The following DIXDC1 variants were observed in gnomAD, a reference collection of about 807,000 sequenced individuals.
The protein encoded by DIXDC1 is dixin.
DIXDC1 carries 64 observed loss-of-function variants against 103.1 expected under a neutral mutation model. The observed-to-expected ratio is 0.62, with a 90% CI of 0.51 to 0.76. DIXDC1 has a LOEUF of 0.76. DIXDC1 is among the 30% of genes least tolerant of loss of function. The probability of loss-of-function intolerance (pLI) is 0.00; values close to 1 mark genes in which losing one functional copy is unlikely to be tolerated. For synonymous variants in DIXDC1, 266 were observed against 298.5 expected, an observed-to-expected ratio of 0.89 and a Z score of 1.12; for missense variants, 759 against 834.2, an observed-to-expected ratio of 0.91 and a Z score of 1.11.
intron 1 of DIXDC1, among the ~76,000 whole-genome samples, chr11:111,947,119 A>T (rs1411241331): frequency 6.6e-6 from 1 of 151,888 alleles, no homozygotes; most frequent in African/African-American, 2.4e-5. Flanking sequence ...ATTACTTTAG[A>T]TGGCTGGAGA....
chr11:111,948,665 G>C (rs1234379876), intron 1 of DIXDC1, among the ~76,000 whole-genome samples: 4 of 150,038 alleles, frequency 2.7e-5, no homozygotes, highest in Non-Finnish European at 5.9e-5. Context: ...CTTCTCACAG[G>C]GTCTGCCGCA....
chr11:111,945,265 T>C lies in DIXDC1; in HGVS notation c.60+7706T>C, dbSNP rs1966554306. Among the ~76,000 whole-genome samples the C allele has an allele frequency of 2.6e-5, 4 of 152,228 alleles. No individual in the cohort carries two copies. In the South Asian group the frequency reaches 8.3e-4, roughly 32 times the overall value. ...GCATGGCCTATGGCAACGTCTAAGT[T>C]TTATATCTTACAACTTTGAGAGAGA... On this transcript the variant is annotated intron_variant, in intron 1 of 19. Transcript: ENST00000440460.
Position 112,006,211 on chromosome 11 carries a change from G to A in DIXDC1, c.1756+10065G>A, listed in dbSNP as rs1341145164. On this transcript the variant is annotated intron_variant, in intron 17 of 19. Coordinates refer to ENST00000440460, the MANE Select transcript of DIXDC1 (RefSeq NM_001037954.4). Reference sequence around the variant, plus strand: ...GTGCAGCAGTCAGAGATTGAACTGCGAGGCAACAGCCTGGCAGGGGGAGGG... The same window carrying A: ...GTGCAGCAGTCAGAGATTGAACTGCAAGGCAACAGCCTGGCAGGGGGAGGG... Among the ~76,000 whole-genome samples, 5 of 152,362 alleles carry A rather than the reference G, an allele frequency of 3.3e-5. No individual in the cohort carries two copies. In the South Asian group the frequency reaches 6.2e-4, roughly 19 times the overall value.
At chr11:111,962,415 G>C (rs782070810) in intron 1 of DIXDC1, among the ~76,000 whole-genome samples, 1 of 152,086 alleles carries the variant, frequency 6.6e-6, no homozygotes, top group Non-Finnish European at 1.5e-5. Flanking sequence ...CTGGAAGGCG[G>C]AGGTTGCAAT....
intron 1 of DIXDC1, among the ~76,000 whole-genome samples, chr11:111,960,334 G>A (rs1329440970): frequency 2.0e-5 from 3 of 151,438 alleles, no homozygotes; most frequent in African/African-American, 4.8e-5. Context: ...AGTGGCTCAC[G>A]CCTGTAATCC....
rs199891499 is a variant in DIXDC1, at chr11:111,974,104, C to T, written c.398C>T (p.Thr133Met). The change falls in exon 4 of 20, where the codon ACG becomes ATG. Residue 133 changes from threonine to methionine, a missense_variant. This residue lies in a region of DIXDC1 where 657 missense variants were observed against 727.5 expected (regional missense o/e 0.90). Transcript: ENST00000440460. ...AAHFKPGSSR[T>M]VNQGRDSRAP... ...CATTTCAAACCTGGCTCCAGCAGGACGGTGAACCAAGGACGGGACTCCAGA... is the reference window on the plus strand; with the variant it reads ...CATTTCAAACCTGGCTCCAGCAGGATGGTGAACCAAGGACGGGACTCCAGA... The T allele has an allele frequency of 3.1e-5, 50 of 1,613,920 alleles. No homozygotes were observed. In the African/African-American group the frequency reaches 4.0e-4, roughly 13 times the overall value.
intron 7 of DIXDC1, among the ~76,000 whole-genome samples, chr11:111,983,651 A>G (rs1378449252): frequency 6.6e-5 from 10 of 152,206 alleles, no homozygotes; most frequent in African/African-American, 2.4e-4. Context: ...CATTATATGA[A>G]CATAGATATT....
At chr11:111,979,639 A>G (rs1310139532) in intron 5 of DIXDC1, among the ~76,000 whole-genome samples, 1 of 152,198 alleles carries the variant, frequency 6.6e-6, no homozygotes, top group South Asian at 2.1e-4. Context: ...AAAAATCTGC[A>G]TAGTTCCTTC....
At chr11:111,952,159 C>T (rs781882678) in intron 1 of DIXDC1, among the ~76,000 whole-genome samples, 2 of 152,170 alleles carry the variant, frequency 1.3e-5, no homozygotes, top group African/African-American at 2.4e-5. Flanking sequence ...AGCCACCATG[C>T]CCGTCTTAAA....
rs1356827321 is a variant in DIXDC1 at position 111,937,390 on chromosome 11, G to A, written c.-110G>A. 4.0e-6 allele frequency: 6 copies of A among 1,485,602 alleles called. No homozygotes were observed. In the African/African-American group the frequency reaches 8.5e-5, roughly 21 times the overall value. 92.0% of individuals were successfully genotyped at this position (1,485,602 alleles called of 1,614,324 possible). ...CCAGTAAGTGGCATGCGGGACTCCGGAGGGATCCCAATGAGCTGAGCCGAG... is the reference window on the plus strand; with the variant it reads ...CCAGTAAGTGGCATGCGGGACTCCGAAGGGATCCCAATGAGCTGAGCCGAG... On this transcript the variant is annotated 5_prime_UTR_variant, in exon 1 of 20. Transcript: ENST00000440460.
intron 17 of DIXDC1, among the ~76,000 whole-genome samples, chr11:112,007,310 A>C (rs1234830603): frequency 6.6e-5 from 10 of 152,226 alleles, no homozygotes; most frequent in African/African-American, 2.4e-4. Context: ...GACTATGTGA[A>C]AAGACCAAAT....
rs1491505673 is a variant in DIXDC1 at position 112,013,333 on chromosome 11, G to GT, written c.1757-3358_1757-3357insT. Reference sequence around the variant, plus strand: ...ACGGGTCGGGGGGTGGGGGTGGGGTGGGGGGGGGGAACAAATTCAGTCCAT... The same window carrying GT: ...ACGGGTCGGGGGGTGGGGGTGGGGTGTGGGGGGGGGAACAAATTCAGTCCAT... On this transcript the variant is annotated intron_variant, in intron 17 of 19. Coordinates refer to ENST00000440460, the MANE Select transcript of DIXDC1 (RefSeq NM_001037954.4). Among the ~76,000 whole-genome samples, 330 of 94,626 alleles carry GT rather than the reference G, an allele frequency of 3.5e-3. 2 individuals are homozygous for GT. The highest frequency in any genetic ancestry group is 0.014 in the African/African-American group (301 of 20,794). 62.1% of individuals were successfully genotyped at this position (94,626 alleles called of 152,430 possible).
chr11:112,008,131 C>CAA lies in DIXDC1; in HGVS notation c.1757-8545_1757-8544dup, dbSNP rs782037838. Among the ~76,000 whole-genome samples, 63 of 52,246 alleles carry CAA rather than the reference C, an allele frequency of 1.2e-3. 1 individual carries two copies. The highest frequency in any genetic ancestry group is 2.7e-3 in the African/African-American group (51 of 19,120). 34.3% of individuals were successfully genotyped at this position (52,246 alleles called of 152,430 possible). A position where few individuals can be genotyped will look rare whatever the true frequency, so the allele number is the denominator to read the frequency against. ...CAAGATCTACCAAGCAAATGCAAAGCAAAAAAAAAAAAAAAAGAAAAGCAG... is the reference window on the plus strand; with the variant it reads ...CAAGATCTACCAAGCAAATGCAAAGCAAAAAAAAAAAAAAAAAAGAAAAGCAG... On this transcript the variant is annotated intron_variant, in intron 17 of 19. Transcript: ENST00000440460.
intron 1 of DIXDC1, among the ~76,000 whole-genome samples, chr11:111,944,148 T>C (rs1199681532): frequency 1.3e-5 from 2 of 152,168 alleles, no homozygotes; most frequent in East Asian, 1.9e-4. Context: ...CCTCATCTCC[T>C]CATCTTCTGC....
At chr11:111,982,521 A>G (rs1555173368) in intron 7 of DIXDC1, 34 bp downstream of exon 7, 2 of 1,602,150 alleles carry the variant, frequency 1.2e-6, no homozygotes, top group Non-Finnish European at 1.7e-6. Flanking sequence ...CCCTTGTTAT[A>G]CCAATTGATT....
At chr11:111,949,307 A>T (rs1555169649) in intron 1 of DIXDC1, among the ~76,000 whole-genome samples, 2 of 152,148 alleles carry the variant, frequency 1.3e-5, no homozygotes, top group South Asian at 4.1e-4. Context: ...CAAATAGCTC[A>T]GACTCTCTCA....
intron 8 of DIXDC1, 73 bp downstream of exon 8, chr11:111,985,394 G>C (rs1264005921): frequency 1.7e-6 from 2 of 1,167,826 alleles, no homozygotes; most frequent in Non-Finnish European, 2.5e-6. Flanking sequence ...TGACACTGCT[G>C]TTCATGCCTT....
At chr11:111,989,740 C>T (rs1217708880) in intron 10 of DIXDC1, among the ~76,000 whole-genome samples, 1 of 151,342 alleles carries the variant, frequency 6.6e-6, no homozygotes, top group Non-Finnish European at 1.5e-5. Context: ...CATGAAGTGT[C>T]TGCCTGCCAG....
intron 4 of DIXDC1, among the ~76,000 whole-genome samples, chr11:111,974,525 A>T (rs1158488917): frequency 1.3e-5 from 2 of 152,192 alleles, no homozygotes; most frequent in African/African-American, 2.4e-5. Flanking sequence ...CTTTTGGCAC[A>T]GTGTGTTTTC....
Sources: gnomAD v4.1 joint callset for allele counts (sites outside exome capture counted in the v4.1 genomes callset) on GRCh38, gnomAD v4.1.1 for gene constraint, gnomAD v4.1.1 regional missense constraint, MANE v1.5 for transcripts, NCBI Gene and HGNC (gene_info 2026-07-23, HGNC 2026-07-21) for gene names.